The following RNF216 variants were observed in gnomAD, a reference collection of about 807,000 sequenced individuals.
The protein encoded by RNF216 is ring finger protein 216, also known as E3 ubiquitin-protein ligase RNF216.
RNF216 carries 72 observed loss-of-function variants against 110.8 expected under a neutral mutation model. The observed-to-expected ratio is 0.65, with a 90% confidence interval of 0.54 to 0.79. RNF216 has a LOEUF of 0.79. RNF216 is among the 30% of genes least tolerant of loss of function. The probability of loss-of-function intolerance (pLI) is 0.00; values close to 1 mark genes in which losing one functional copy is unlikely to be tolerated. For missense variants in RNF216, 1,342 were observed against 1,141.2 expected (o/e 1.18, Z -2.54); for synonymous variants, 495 against 407.5 (o/e 1.21, Z -2.59).
intron 1 of RNF216, among the ~76,000 whole-genome samples, chr7:5,763,386 T>A (rs1023346530): frequency 5.9e-5 from 9 of 152,128 alleles, no homozygotes; most frequent in African/African-American, 9.7e-5. Context: ...ATCCCAGCAC[T>A]TTGAGAGGCT....
intron 13 of RNF216, among the ~76,000 whole-genome samples, chr7:5,701,622 T>C (rs1038876402): frequency 9.9e-5 from 15 of 152,214 alleles, no homozygotes; most frequent in African/African-American, 3.4e-4. Context: ...GTATTCACCC[T>C]ATGTCACAAA....
At chr7:5,730,249 G>A (rs986969904) in intron 6 of RNF216, among the ~76,000 whole-genome samples, 5 of 152,178 alleles carry the variant, frequency 3.3e-5, no homozygotes, top group African/African-American at 1.2e-4. Context: ...ACAAAGTTGT[G>A]CTGATGGACA....
At chr7:5,633,298 G>A (rs1051437679) in intron 15 of RNF216, among the ~76,000 whole-genome samples, 1 of 151,854 alleles carries the variant, frequency 6.6e-6, no homozygotes, top group Non-Finnish European at 1.5e-5. Flanking sequence ...AAGTAAGGCC[G>A]GGTGCGGTGG....
At chr7:5,776,306 G>A (rs1399666901) in intron 1 of RNF216, among the ~76,000 whole-genome samples, 6 of 151,946 alleles carry the variant, frequency 3.9e-5, no homozygotes, top group South Asian at 4.2e-4. Context: ...GACTATAGCC[G>A]GGCACGGTGG....
intron 1 of RNF216, among the ~76,000 whole-genome samples, chr7:5,763,482 T>G (rs1388303624): frequency 6.6e-6 from 1 of 151,902 alleles, no homozygotes; most frequent in Non-Finnish European, 1.5e-5. Flanking sequence ...ATATAAAAAT[T>G]AGCCAGGCGT....
At chr7:5,675,003 C>CAAAA (rs1790185970) in intron 13 of RNF216, among the ~76,000 whole-genome samples, 1 of 151,838 alleles carries the variant, frequency 6.6e-6, no homozygotes, top group African/African-American at 2.4e-5. Flanking sequence ...TCTCAAAAAA[C>CAAAA]AAACAAACAA....
chr7:5,671,973 C>T (rs1054189687), intron 13 of RNF216, among the ~76,000 whole-genome samples: 2 of 152,174 alleles, frequency 1.3e-5, no homozygotes, highest in Admixed American at 6.5e-5. Flanking sequence ...AGCTCCAAAA[C>T]TGTAGGAAAA....
At chr7:5,723,482 C>T (rs1057238858) in intron 8 of RNF216, among the ~76,000 whole-genome samples, 2 of 151,770 alleles carry the variant, frequency 1.3e-5, no homozygotes, top group African/African-American at 4.8e-5. Context: ...CCCGTCTCTA[C>T]TAAAAACACA....
chr7:5,741,856 A>T, intron 3 of RNF216, 41 bp from the exon 4 acceptor site: 4 of 1,553,986 alleles, frequency 2.6e-6, no homozygotes, highest in Non-Finnish European at 3.5e-6. Flanking sequence ...TTTCTTTCCT[A>T]TGCCTATCCC....
chr7:5,671,579 C>T (rs1451252185), intron 13 of RNF216, among the ~76,000 whole-genome samples: 3 of 151,914 alleles, frequency 2.0e-5, no homozygotes, highest in Admixed American at 6.6e-5. Flanking sequence ...CCAAGGCGGG[C>T]GGATCAAGAG....
chr7:5,626,629 C>T (rs1786721544), intron 15 of RNF216, among the ~76,000 whole-genome samples: 1 of 150,608 alleles, frequency 6.6e-6, no homozygotes. Context: ...CGTGCTACTG[C>T]ACTCCACCCT....
intron 5 of RNF216, among the ~76,000 whole-genome samples, chr7:5,731,987 C>T (rs549902622): frequency 1.3e-5 from 2 of 152,288 alleles, no homozygotes; most frequent in South Asian, 2.1e-4. Flanking sequence ...AATGCATTTC[C>T]CTTTGCCGTT....
intron 13 of RNF216, among the ~76,000 whole-genome samples, chr7:5,679,606 G>C (rs1227877158): frequency 6.6e-6 from 1 of 152,290 alleles, no homozygotes; most frequent in South Asian, 2.1e-4. Flanking sequence ...ATTTGATAAG[G>C]CTTAGCTCCA....
chr7:5,754,491 G>C (rs537909935), intron 2 of RNF216, among the ~76,000 whole-genome samples: 22 of 152,106 alleles, frequency 1.4e-4, no homozygotes, highest in African/African-American at 5.1e-4. Context: ...AGGATGAGGA[G>C]TTGCCAAGCT....
At chr7:5,702,545 G>A (rs1368437948) in intron 13 of RNF216, among the ~76,000 whole-genome samples, 2 of 152,118 alleles carry the variant, frequency 1.3e-5, no homozygotes, top group Admixed American at 1.3e-4. Flanking sequence ...AGGGAGGCAA[G>A]CAACATTTGC....
chr7:5,773,851 C>G (rs1796633152), intron 1 of RNF216, among the ~76,000 whole-genome samples: 1 of 152,210 alleles, frequency 6.6e-6, no homozygotes, highest in African/African-American at 2.4e-5. Flanking sequence ...ACAGGCGAGT[C>G]ACCGTGCCTG....
rs961732917 is a variant in RNF216 at position 5,622,027 on chromosome 7, G to C, written c.*833C>G. 1 of 152,418 alleles carries C rather than the reference G, an allele frequency of 6.6e-6. No individual in the cohort carries two copies. The highest frequency in any genetic ancestry group is 1.5e-5 in the Non-Finnish European group (1 of 68,228). 9.4% of individuals were successfully genotyped at this position (152,418 alleles called of 1,614,324 possible). A position where few individuals can be genotyped will look rare whatever the true frequency, so the allele number is the denominator to read the frequency against. ...TCCCCCAGAAAGCCAGGGGGGAAAAGCTGCTCATCACCCAGGGTGGCAGAA... is the reference window on the plus strand; with the variant it reads ...TCCCCCAGAAAGCCAGGGGGGAAAACCTGCTCATCACCCAGGGTGGCAGAA... On this transcript the variant is annotated 3_prime_UTR_variant, in exon 17 of 17. Transcript: ENST00000389902.
chr7:5,666,044 T>G (rs1377222626), intron 13 of RNF216, among the ~76,000 whole-genome samples: 2 of 151,724 alleles, frequency 1.3e-5, no homozygotes, highest in Non-Finnish European at 2.9e-5. Flanking sequence ...CGGGCGCCTG[T>G]AGTCCCAGCT....
At position 5,642,131 on chromosome 7, in the gene RNF216, C is replaced by T. The variant is rs541260311; in HGVS notation, c.2160-755G>A. Among the ~76,000 whole-genome samples the T allele has an allele frequency of 2.6e-5, 4 of 151,390 alleles. No homozygotes were observed. In the East Asian group the frequency reaches 7.8e-4, roughly 29 times the overall value. On this transcript the variant is annotated intron_variant, in intron 14 of 16. Transcript: ENST00000389902. Reference sequence around the variant, plus strand: ...TTAGTACTATTACCTTAATGAGTCACCTCTGTAGTACATCCGTTTATGATT... The same window carrying T: ...TTAGTACTATTACCTTAATGAGTCATCTCTGTAGTACATCCGTTTATGATT...
Sources: allele counts gnomAD v4.1 joint callset (sites outside exome capture counted in the v4.1 genomes callset), GRCh38; gene constraint gnomAD v4.1.1; transcripts MANE v1.5; gene names NCBI Gene and HGNC (gene_info 2026-07-23, HGNC 2026-07-21).